MGST1: variants seen among roughly 807,000 people sequenced by gnomAD.
MGST1 encodes the protein glutathione S-transferase 12.
A neutral mutation model predicts 8.9 loss-of-function variants in MGST1; 5 were observed. The ratio of observed to expected loss-of-function variants is 0.56; its 90% CI spans 0.29 to 1.19. The LOEUF (loss-of-function observed/expected upper bound fraction) is 1.19, where lower values mean the gene tolerates loss of function less well. Ranked by LOEUF, MGST1 falls within the 50% of genes most tolerant of loss-of-function variation. MGST1 has a pLI of 0.08. For missense variants in MGST1, 182 were observed against 187.4 expected (o/e 0.97, Z 0.17); for synonymous variants, 54 against 67.8 (o/e 0.80, Z 1.00).
At position 16,413,682 on chromosome 12, in the gene MGST1, G is replaced by A. The variant is rs142575050; in HGVS notation, n.779-23706G>A. Among the ~76,000 whole-genome samples, 3 of 151,842 alleles carry A rather than the reference G, an allele frequency of 2.0e-5. No homozygotes were observed. The highest frequency in any genetic ancestry group is 4.8e-5 in the African/African-American group (2 of 41,290). On this transcript the variant is annotated intron_variant and non_coding_transcript_variant, in intron 1 of 1. Coordinates refer to the MGST1 transcript ENST00000359720. This position sits in a 1 kb window ranked among gnomAD's most constrained non-coding sequence, Gnocchi z 4.0. The stretch of plus-strand genomic sequence containing the variant: ...TTCCATACATTCTCAAGGAAGTGTC[G>A]GTTATCCCTTCTTTTTGGGATAAAC...
At chr12:16,422,413 A>G (rs1162160827) in intron 1 of MGST1, among the ~76,000 whole-genome samples, 1 of 152,146 alleles carries the variant, frequency 6.6e-6, no homozygotes, top group Non-Finnish European at 1.5e-5. Flanking sequence ...CTGGTATCAC[A>G]CATAACAAAA....
chr12:16,490,164 G>C (rs1467358377), intron 4 of MGST1, among the ~76,000 whole-genome samples: 8 of 152,134 alleles, frequency 5.3e-5, no homozygotes, highest in Admixed American at 5.2e-4. Flanking sequence ...TCAGGAGGCT[G>C]AAATGAGAGG....
rs990294049 is a variant in MGST1 at position 16,513,535 on chromosome 12, G to A, written n.483-75993G>A. 1.6e-5 allele frequency: 8 copies of A among 485,972 alleles called. No individual in the cohort carries two copies. Among genetic ancestry groups the A allele is most frequent in the South Asian group, 6.1e-5 (4 of 65,710 alleles). The allele number at this position is 485,972 out of a possible 1,614,324, so 30.1% of individuals were successfully genotyped here. A position where few individuals can be genotyped will look rare whatever the true frequency, so the allele number is the denominator to read the frequency against. On this transcript the variant is annotated intron_variant and non_coding_transcript_variant, in intron 4 of 4. Transcript: ENST00000538857. This position sits in a 1 kb window ranked among gnomAD's most constrained non-coding sequence, Gnocchi z 4.2. ...ACCAGATCCCATCCTTGGAGTCACC[G>A]AAGGCTTTAAGAGGGACACCAATAG...
At chr12:16,446,723 A>T (rs1007855090) in intron 4 of MGST1, among the ~76,000 whole-genome samples, 4 of 151,810 alleles carry the variant, frequency 2.6e-5, no homozygotes, top group Admixed American at 6.6e-5. Context: ...ACTCTGTGAC[A>T]TCCCCTCCTG....
At chr12:16,357,855 A>C (rs779194822) in intron 3 of MGST1, among the ~76,000 whole-genome samples, 156 bp downstream of exon 3, 11,751 of 152,266 alleles carry the variant, frequency 0.077, 569 homozygotes, top group East Asian at 0.23. Flanking sequence ...TCTGAAATTG[A>C]CACACTGCAC....
chr12:16,562,029 C>T (rs148509238), intron 4 of MGST1, among the ~76,000 whole-genome samples: 2 of 152,124 alleles, frequency 1.3e-5, no homozygotes, highest in Admixed American at 6.5e-5. Flanking sequence ...ACCCAAGTAA[C>T]CTTCATGTTC....
At chr12:16,539,972 T>C (rs1297422508) in intron 4 of MGST1, among the ~76,000 whole-genome samples, 1 of 152,224 alleles carries the variant, frequency 6.6e-6, no homozygotes, top group Non-Finnish European at 1.5e-5. Flanking sequence ...AGTCTTTGTG[T>C]GTGTTTGGAA....
intron 1 of MGST1, among the ~76,000 whole-genome samples, chr12:16,386,247 C>T (rs1940502817): frequency 6.6e-6 from 1 of 152,158 alleles, no homozygotes; most frequent in African/African-American, 2.4e-5. Context: ...CCCTGTGTGA[C>T]TTTTCTTTTG....
At chr12:16,408,484 A>G (rs975493921) in intron 1 of MGST1, among the ~76,000 whole-genome samples, 1 of 152,190 alleles carries the variant, frequency 6.6e-6, no homozygotes, top group Non-Finnish European at 1.5e-5. Context: ...CTAGTATTCT[A>G]TTATCTTCTC....
chr12:16,350,618 C>T (rs911798457), intron 1 of MGST1: 11 of 152,134 alleles, frequency 7.2e-5, no homozygotes, highest in African/African-American at 2.2e-4. Context: ...GCAGCAAACT[C>T]GTGGCAATTG....
intron 4 of MGST1, among the ~76,000 whole-genome samples, chr12:16,558,700 T>G (rs1234202939): frequency 2.6e-5 from 4 of 152,148 alleles, no homozygotes; most frequent in African/African-American, 9.6e-5. Flanking sequence ...ACTATTACAT[T>G]ATAAGGTACA....
Position 16,513,516 on chromosome 12 carries a change from T to A in MGST1, n.483-76012T>A, listed in dbSNP as rs548997285. On this transcript the variant is annotated intron_variant and non_coding_transcript_variant, in intron 4 of 4. Coordinates refer to the MGST1 transcript ENST00000538857. The surrounding 1 kb of genome is among the most constrained non-coding windows in gnomAD (Gnocchi z 4.2). ...CCCATGTGGAGATGGGACCACCAGA[T>A]CCCATCCTTGGAGTCACCGAAGGCT... 1.5e-4 allele frequency: 71 copies of A among 479,958 alleles called. No homozygotes were observed. Among genetic ancestry groups the A allele is most frequent in the African/African-American group, 1.3e-3 (64 of 50,542 alleles). 29.7% of individuals were successfully genotyped at this position (479,958 alleles called of 1,614,324 possible).
At chr12:16,499,991 G>A (rs1203214099) in intron 4 of MGST1, among the ~76,000 whole-genome samples, 2 of 152,176 alleles carry the variant, frequency 1.3e-5, no homozygotes, top group Non-Finnish European at 2.9e-5. Context: ...AGTGTTTGGT[G>A]AGTCATTTCT....
chr12:16,350,039 C>G (rs998822838), intron 1 of MGST1, among the ~76,000 whole-genome samples: 3 of 152,186 alleles, frequency 2.0e-5, no homozygotes, highest in Non-Finnish European at 4.4e-5. Context: ...CCACCGCGCT[C>G]GGCCCCCGCT....
At position 16,414,510 on chromosome 12, in the gene MGST1, G is replaced by A. The variant is rs549304140; in HGVS notation, n.779-22878G>A. Among the ~76,000 whole-genome samples the A allele has an allele frequency of 3.3e-5, 5 of 151,510 alleles. No homozygotes were observed. The East Asian group carries it at 9.9e-4, about 30-fold the overall frequency. ...AGCTCACTGCAAGCTCCATCTCCCG[G>A]GTTCACACCATTCTCCTGCCTCAGC... On this transcript the variant is annotated intron_variant and non_coding_transcript_variant, in intron 1 of 1. Transcript: ENST00000359720.
chr12:16,397,605 A>G (rs1328253407), intron 1 of MGST1, among the ~76,000 whole-genome samples: 1 of 152,070 alleles, frequency 6.6e-6, no homozygotes, highest in African/African-American at 2.4e-5. Context: ...AAAGAGTCCC[A>G]TCAAAAAGTG....
chr12:16,399,596 A>G (rs1226263972), intron 1 of MGST1: 58 of 1,606,976 alleles, frequency 3.6e-5, no homozygotes, highest in Non-Finnish European at 4.5e-5. Flanking sequence ...TAAAAGTCTC[A>G]TCTTCAATTT....
chr12:16,516,631 C>G (rs969158964), intron 4 of MGST1, among the ~76,000 whole-genome samples: 4 of 152,100 alleles, frequency 2.6e-5, no homozygotes, highest in African/African-American at 9.7e-5. Flanking sequence ...ATCTTGAGGT[C>G]AGAATATATC....
chr12:16,434,829 G>A (rs985202401), intron 1 of MGST1, among the ~76,000 whole-genome samples: 5 of 151,860 alleles, frequency 3.3e-5, no homozygotes, highest in African/African-American at 7.3e-5. Context: ...GATAGCTTCC[G>A]TTGTGTGATT....
Sources: allele counts gnomAD v4.1 joint callset (sites outside exome capture counted in the v4.1 genomes callset), GRCh38; gene constraint gnomAD v4.1.1; non-coding constraint Gnocchi (gnomAD v3.1); transcripts MANE v1.5; gene names NCBI Gene and HGNC (gene_info 2026-07-23, HGNC 2026-07-21).